The following PTPRN2 variants were observed in gnomAD, a reference collection of about 807,000 sequenced individuals.
The protein encoded by PTPRN2 is receptor-type tyrosine-protein phosphatase N2.
In PTPRN2, 74 loss-of-function variants were observed where a neutral mutation model predicts 118.8. That is an observed-to-expected ratio of 0.62 (90% confidence interval 0.52 to 0.76). The LOEUF is 0.76. Ranked by LOEUF, PTPRN2 falls within the 30% of genes least tolerant of loss-of-function variation. PTPRN2 has a pLI of 0.00. For synonymous variants in PTPRN2, 641 were observed against 608.0 expected, an observed-to-expected ratio of 1.05 and a Z score of -0.80; for missense variants, 1,481 against 1,394.4, an observed-to-expected ratio of 1.06 and a Z score of -0.99.
intron 2 of PTPRN2, among the ~76,000 whole-genome samples, chr7:158,370,011 C>T (rs1206361967): frequency 1.3e-5 from 2 of 152,158 alleles, no homozygotes; most frequent in African/African-American, 2.4e-5. Flanking sequence ...CGGGAAGTCA[C>T]CTCAGTCACA....
At chr7:158,178,494 T>G (rs1161512242) in intron 5 of PTPRN2, among the ~76,000 whole-genome samples, 1 of 151,968 alleles carries the variant, frequency 6.6e-6, no homozygotes, top group Non-Finnish European at 1.5e-5. Flanking sequence ...AATAATGGCT[T>G]CCAGCTCCAT....
chr7:157,901,220 C>T (rs1010271494), intron 11 of PTPRN2, among the ~76,000 whole-genome samples: 5 of 152,240 alleles, frequency 3.3e-5, no homozygotes, highest in South Asian at 4.1e-4. Context: ...AATCCATTCA[C>T]GAGGGATCTG....
intron 14 of PTPRN2, among the ~76,000 whole-genome samples, chr7:157,648,608 C>T (rs1469307620): frequency 1.6e-5 from 2 of 124,162 alleles, no homozygotes; most frequent in African/African-American, 2.9e-5. Flanking sequence ...TCGGACCCAT[C>T]CAGCGTGCAC....
chr7:157,744,558 AG>A (rs1291688038), intron 12 of PTPRN2, among the ~76,000 whole-genome samples: 4 of 152,218 alleles, frequency 2.6e-5, no homozygotes, highest in African/African-American at 9.7e-5. Context: ...ACACAAATAG[AG>A]GTATAATATA....
At chr7:158,560,940 G>A (rs1827342120) in intron 1 of PTPRN2, among the ~76,000 whole-genome samples, 1 of 152,180 alleles carries the variant, frequency 6.6e-6, no homozygotes, top group Non-Finnish European at 1.5e-5. Context: ...CGTGTGACTG[G>A]GCATCGGTTG....
chr7:157,576,006 T>C (rs1219883032), intron 19 of PTPRN2, among the ~76,000 whole-genome samples: 3 of 152,194 alleles, frequency 2.0e-5, no homozygotes, highest in Non-Finnish European at 4.4e-5. Context: ...TTTTTCATTG[T>C]CAATTTCTTC....
chr7:158,138,339 G>C lies in PTPRN2; in HGVS notation c.1087C>G (p.Gln363Glu), dbSNP rs763447136. The change falls in exon 7 of 23, where the codon CAG becomes GAG. Residue 363 changes from glutamine (Q) to glutamate (E), a missense_variant. Physicochemically the swap from Gln to Glu is conservative, Grantham distance 29 (BLOSUM62 2). Transcript: ENST00000389418. Reference protein sequence around the residue: ...GRAALGESGEQADGPKATLRG... With the variant: ...GRAALGESGEEADGPKATLRG... ...AGGGTGGCCTTGGGGCCATCCGCCT[G>C]TTCTCCAGACTCTCCCAGGGCCGCT... 3 of 1,613,684 alleles carry C rather than the reference G, an allele frequency of 1.9e-6. No homozygotes were observed. The highest frequency in any genetic ancestry group is 1.7e-5 in the Admixed American group (1 of 60,026).
chr7:158,244,757 CGTCAGAGT>C (rs1796100584), intron 3 of PTPRN2, among the ~76,000 whole-genome samples: 1 of 150,072 alleles, frequency 6.7e-6, no homozygotes, highest in African/African-American at 2.5e-5. Flanking sequence ...GTGTGGTTAG[CGTCAGAGT>C]ATGTGTGGGT....
intron 3 of PTPRN2, among the ~76,000 whole-genome samples, chr7:158,222,743 C>T (rs945693804): frequency 2.0e-4 from 31 of 151,882 alleles, no homozygotes; most frequent in Admixed American, 4.6e-4. Flanking sequence ...GAGAAAGTCT[C>T]AAATCAATAA....
chr7:158,469,121 G>GCACACTCACACACACTCCGGGTGGA (rs1234125053), intron 2 of PTPRN2, among the ~76,000 whole-genome samples: 6 of 70,274 alleles, frequency 8.5e-5, no homozygotes, highest in African/African-American at 1.4e-4. Context: ...GATCAACAGT[G>GCACACTCACACACACTCCGGGTGGA]TCAGGCTTTC....
At chr7:158,527,301 C>G (rs1276730974) in intron 1 of PTPRN2, among the ~76,000 whole-genome samples, 2 of 145,220 alleles carry the variant, frequency 1.4e-5, no homozygotes, top group Admixed American at 6.7e-5. Context: ...CCCGGCCATG[C>G]CCCCCGCCAC....
At chr7:157,910,177 C>T (rs1011267367) in intron 11 of PTPRN2, among the ~76,000 whole-genome samples, 7 of 152,360 alleles carry the variant, frequency 4.6e-5, no homozygotes, top group Admixed American at 2.0e-4. Flanking sequence ...TGCAGGATCA[C>T]GCATGTACGC....
chr7:157,549,845 G>A (rs559306472), intron 21 of PTPRN2, among the ~76,000 whole-genome samples: 45 of 152,312 alleles, frequency 3.0e-4, no homozygotes, highest in African/African-American at 8.7e-4. Context: ...AGGCAGCTCC[G>A]AAGCGGGTCA....
intron 12 of PTPRN2, among the ~76,000 whole-genome samples, chr7:157,776,957 C>T (rs1384109409): frequency 7.2e-6 from 1 of 138,020 alleles, no homozygotes; most frequent in African/African-American, 2.7e-5. Context: ...CCTCTTCCCT[C>T]TCCTCCTCCT....
intron 2 of PTPRN2, among the ~76,000 whole-genome samples, chr7:158,341,331 A>G (rs1586385525): frequency 6.6e-6 from 1 of 151,532 alleles, no homozygotes. Context: ...CACGTCACTC[A>G]CACCCACACT....
chr7:158,465,699 T>C (rs1332331662), intron 2 of PTPRN2, among the ~76,000 whole-genome samples: 2 of 152,226 alleles, frequency 1.3e-5, no homozygotes, highest in African/African-American at 4.8e-5. Flanking sequence ...GCACAGTTTA[T>C]ATCCTTCCCA....
rs561248833 is a variant in PTPRN2, at chr7:158,233,104, G to C, written c.278-27831C>G. 1.2e-3 allele frequency among the ~76,000 whole-genome samples: 179 copies of C among 152,208 alleles called. 1 individual carries two copies. The highest frequency in any genetic ancestry group is 4.3e-3 in the African/African-American group (178 of 41,540). Reference sequence around the variant, plus strand: ...AATTAGGCAAGAGAAAGAAATACAGGCACCCAAATTGGAAAGGAAAAAGTC... The same window carrying C: ...AATTAGGCAAGAGAAAGAAATACAGCCACCCAAATTGGAAAGGAAAAAGTC... On this transcript the variant is annotated intron_variant, in intron 3 of 22. Coordinates refer to ENST00000389418, the MANE Select transcript of PTPRN2 (RefSeq NM_002847.5).
At chr7:157,830,106 T>G (rs1258450833) in intron 12 of PTPRN2, among the ~76,000 whole-genome samples, 1 of 138,088 alleles carries the variant, frequency 7.2e-6, no homozygotes, top group Non-Finnish European at 1.6e-5. Context: ...ACCTCCTGTC[T>G]TCCTGCTCTT....
At chr7:157,765,853 T>C (rs1299169286) in intron 12 of PTPRN2, among the ~76,000 whole-genome samples, 1 of 128,978 alleles carries the variant, frequency 7.8e-6, no homozygotes, top group Non-Finnish European at 1.6e-5. Context: ...ACTCATCCAC[T>C]CATCCATCCA....
Sources: allele counts gnomAD v4.1 joint callset (sites outside exome capture counted in the v4.1 genomes callset), GRCh38; gene constraint gnomAD v4.1.1; transcripts MANE v1.5; gene names NCBI Gene and HGNC (gene_info 2026-07-23, HGNC 2026-07-21).